Variants in NUDT6 observed in about 807,000 individuals in gnomAD.
NUDT6 encodes nudix hydrolase 6.
A neutral mutation model predicts 36.8 loss-of-function variants in NUDT6; 24 were observed. The ratio of observed to expected loss-of-function variants is 0.65; its 90% CI spans 0.47 to 0.92. The LOEUF is 0.92. NUDT6 is among the 40% of genes least tolerant of loss of function. NUDT6 has a pLI of 0.00. For synonymous variants in NUDT6, 163 were observed against 157.0 expected (o/e 1.04, Z -0.29); for missense variants, 388 against 392.8 (o/e 0.99, Z 0.10).
intron 3 of NUDT6, among the ~76,000 whole-genome samples, chr4:122,907,692 G>T (rs893916206): frequency 1.3e-5 from 2 of 151,548 alleles, no homozygotes; most frequent in African/African-American, 4.9e-5. Flanking sequence ...CTCGTGATCT[G>T]CCCGCCTCGG....
intron 2 of NUDT6, among the ~76,000 whole-genome samples, chr4:122,913,524 C>T (rs542867007): frequency 1.9e-4 from 29 of 152,182 alleles, no homozygotes; most frequent in Non-Finnish European, 3.4e-4. Context: ...GAATTGACTT[C>T]TCATTTTTAT....
intron 1 of NUDT6, chr4:122,921,096 T>C (rs918939090): frequency 2.0e-5 from 3 of 152,188 alleles, no homozygotes; most frequent in Admixed American, 1.3e-4. Flanking sequence ...CCATCCAAGC[T>C]TTCTTATCAT....
upstream of NUDT6, chr4:122,922,694 T>A: frequency 1.2e-6 from 1 of 841,836 alleles, no homozygotes; most frequent in East Asian, 2.7e-5. Context: ...GGGTTACCAC[T>A]CTGCAGAGCT....
intron 3 of NUDT6, among the ~76,000 whole-genome samples, chr4:122,904,719 G>T (rs1338718597): frequency 6.6e-6 from 1 of 152,200 alleles, no homozygotes. Context: ...CTCCCAAAGT[G>T]CTGGGATTAC....
At chr4:122,914,724 T>G (rs1458758) in intron 2 of NUDT6, among the ~76,000 whole-genome samples, 103,149 of 151,790 alleles carry the variant, frequency 0.68, 37,076 homozygotes, top group East Asian at 0.95. Flanking sequence ...TACTGAAACT[T>G]CTCTCTCAGA....
rs1366411895 is a variant in NUDT6 at position 122,893,049 on chromosome 4, A to T, written c.730T>A (p.Leu244Ile). 1 of 1,614,180 alleles carries T rather than the reference A, an allele frequency of 6.2e-7. No individual in the cohort carries two copies. Among genetic ancestry groups the T allele is most frequent in the East Asian group, 2.2e-5 (1 of 44,884 alleles). Residue 244 changes from leucine (L) to isoleucine (I), a missense_variant, in exon 5 of 5, where the codon TTA (leucine) becomes ATA (isoleucine). By Grantham distance (5) the Leu-to-Ile change is conservative. Transcript: ENST00000304430. ...TTGAGATCCATCCACTCACATCTTA[A>T]GCATTCTTCCTGGCAAAAATTTATG... ...FTINFCQEECLRCEWMDLNDL... is the reference protein window; with the variant it reads ...FTINFCQEECIRCEWMDLNDL...
intron 1 of NUDT6, chr4:122,921,106 T>C (rs930341600): frequency 5.3e-5 from 8 of 152,162 alleles, no homozygotes; most frequent in Non-Finnish European, 8.8e-5. Flanking sequence ...TTTCTTATCA[T>C]TGGGCTCAAG....
rs1311338343 is a variant in NUDT6 at position 122,908,822 on chromosome 4, CAATT to C, written c.498+3742_498+3745del. Among the ~76,000 whole-genome samples the C allele has an allele frequency of 2.0e-5, 3 of 152,100 alleles. No individual in the cohort carries two copies. In the East Asian group the frequency reaches 5.8e-4, roughly 29 times the overall value. ...CCAAACAACTCTGAGTAAAGGAAAA[CAATT>C]AAAGTTTGTTAACTTTTAAAGGACC... On this transcript the variant is annotated intron_variant, in intron 3 of 4. Transcript: ENST00000304430.
At position 122,892,943 on chromosome 4, in the gene NUDT6, A is replaced by G. The variant is rs1727228636; in HGVS notation, c.836T>C (p.Phe279Ser). The G allele has an allele frequency of 1.2e-6, 2 of 1,613,996 alleles. No individual in the cohort carries two copies. The highest frequency in any genetic ancestry group is 1.7e-6 in the Non-Finnish European group (2 of 1,180,006). Residue 279 changes from phenylalanine to serine, a missense_variant, in exon 5 of 5, where the codon TTT becomes TCT. Coordinates refer to ENST00000304430, the MANE Select transcript of NUDT6 (RefSeq NM_007083.5). ...TTCCACAGTCAGGTCAATTTTGTCA[A>G]ACCCTTCTCTGTACCCATACAGCAG... The part of the protein sequence containing the change: ...RLLLYGYREG[F>S]DKIDLTVEEL...
intron 3 of NUDT6, among the ~76,000 whole-genome samples, chr4:122,903,876 A>C (rs943816003): frequency 4.6e-5 from 7 of 152,194 alleles, no homozygotes; most frequent in Non-Finnish European, 7.3e-5. Context: ...CCCAAGAGAC[A>C]CCAGCAAGCT....
chr4:122,908,064 A>G (rs1351952834), intron 3 of NUDT6, among the ~76,000 whole-genome samples: 1 of 151,738 alleles, frequency 6.6e-6, no homozygotes, highest in Non-Finnish European at 1.5e-5. Context: ...AAAATCCTAA[A>G]CCCCTCCCAA....
intron 1 of NUDT6, chr4:122,920,281 T>C (rs781591916): frequency 7.2e-5 from 11 of 152,170 alleles, no homozygotes; most frequent in Non-Finnish European, 1.6e-4. Context: ...AAGAAAGGTG[T>C]AGAGCCAGGG....
At chr4:122,905,809 A>G (rs1252593735) in intron 3 of NUDT6, among the ~76,000 whole-genome samples, 4 of 152,214 alleles carry the variant, frequency 2.6e-5, no homozygotes, top group Non-Finnish European at 4.4e-5. Context: ...AAGATGCACA[A>G]GGATTTCTTG....
chr4:122,921,438 T>C (rs1468112645), intron 1 of NUDT6: 1 of 151,822 alleles, frequency 6.6e-6, no homozygotes, highest in Non-Finnish European at 1.5e-5. Context: ...AGACACCGTT[T>C]CTAGAAAAAA....
chr4:122,922,913 G>T (rs1483836268), upstream of NUDT6: 6 of 590,546 alleles, frequency 1.0e-5, no homozygotes, highest in Non-Finnish European at 1.8e-5. Context: ...TGGCAGTTCC[G>T]TTCCTGGAAC....
chr4:122,917,938 CTTTATATCCA>C (rs1256552398), intron 1 of NUDT6: 2 of 506,554 alleles, frequency 3.9e-6, no homozygotes, highest in East Asian at 7.1e-5. Flanking sequence ...CACTGCTGAC[CTTTATATCCA>C]TACCACCAAA....
In NUDT6 at chr4:122,892,920, C is replaced by A; in HGVS notation, c.859G>T (p.Glu287Ter). ...EGFDKIDLTVEELPAVYTGLF... is the reference protein window; with the variant it reads ...EGFDKIDLTV ...CCTGTGTAAACTGCTGGAAGTTCTT[C>A]CACAGTCAGGTCAATTTTGTCAAAC... is the stretch of plus-strand genomic sequence containing the variant. The change falls in exon 5 of 5, where the codon GAA becomes TAA. Residue 287 changes from glutamate (E) to a stop codon, truncating the protein, a stop_gained. Transcript: ENST00000304430. LOFTEE classifies it high-confidence loss of function. 6.2e-7 allele frequency: 1 copy of A among 1,613,970 alleles called. No homozygotes were observed. Among genetic ancestry groups the A allele is most frequent in the Non-Finnish European group, 8.5e-7 (1 of 1,179,878 alleles).
chr4:122,922,624 A>C, upstream of NUDT6: 13 of 1,460,296 alleles, frequency 8.9e-6, no homozygotes, highest in Non-Finnish European at 1.1e-5. Flanking sequence ...CGCGCTCCAG[A>C]GCGGAGATCG....
intron 3 of NUDT6, among the ~76,000 whole-genome samples, chr4:122,903,652 AC>A (rs1377873075): frequency 2.0e-5 from 3 of 151,816 alleles, no homozygotes; most frequent in Non-Finnish European, 4.4e-5. Flanking sequence ...TTGCCAGCTG[AC>A]TCCCTTTTAT....
Sources: allele counts gnomAD v4.1 joint callset (sites outside exome capture counted in the v4.1 genomes callset), GRCh38; gene constraint gnomAD v4.1.1; transcripts MANE v1.5; gene names NCBI Gene and HGNC (gene_info 2026-07-23, HGNC 2026-07-21).